The following ARHGDIB variants were observed in gnomAD, a reference collection of about 807,000 sequenced individuals.
ARHGDIB encodes Rho GDP dissociation inhibitor beta.
In ARHGDIB, 20 loss-of-function variants were observed where a neutral mutation model predicts 22.6. That is an observed-to-expected ratio of 0.88 (90% CI 0.62 to 1.28). The LOEUF is 1.28. Among genes scored for constraint, ARHGDIB ranks in the 50% most tolerant of loss-of-function variants. ARHGDIB has a pLI of 0.00. For missense variants in ARHGDIB, 254 were observed against 245.4 expected (o/e 1.04, Z -0.23); for synonymous variants, 114 against 96.1 (o/e 1.19, Z -1.09).
chr12:14,953,926 T>TTCCTTCCTTCC (rs1565464253), intron 1 of ARHGDIB, among the ~76,000 whole-genome samples: 2 of 150,478 alleles, frequency 1.3e-5, no homozygotes, highest in African/African-American at 4.9e-5. Context: ...CTCTCCCTTC[T>TTCCTTCCTTCC]TTCCTTCCTT....
intron 1 of ARHGDIB, among the ~76,000 whole-genome samples, chr12:14,954,189 G>C (rs541485987): frequency 2.0e-5 from 3 of 152,234 alleles, no homozygotes; most frequent in Non-Finnish European, 4.4e-5. Context: ...ATTTTGCCCA[G>C]GCTGGTCTTG....
intron 3 of ARHGDIB, among the ~76,000 whole-genome samples, chr12:14,949,296 C>T (rs527376161): frequency 1.5e-4 from 23 of 152,246 alleles, no homozygotes; most frequent in Admixed American, 1.2e-3. Flanking sequence ...TTAATTTGTA[C>T]GCCTTTAGTA....
rs748771676 is a variant in ARHGDIB, at chr12:14,942,546, C to T, written c.582G>A (p.Ser194=). Residue 194 remains serine, a synonymous_variant, in exon 6 of 6, where the codon TCG becomes TCA. Transcript: ENST00000228945. ...TTCATTCTGTCCACTCCTTCTTAATCGACAGGTTCCACTCCCAGCTGAGGT... is the reference window on the plus strand; with the variant it reads ...TTCATTCTGTCCACTCCTTCTTAATTGACAGGTTCCACTCCCAGCTGAGGT... ...QDHLSWEWNL[S]IKKEWTE is the part of the protein sequence containing the mutation. 6.2e-6 allele frequency: 10 copies of T among 1,613,958 alleles called. No individual in the cohort carries two copies. The Admixed American group carries it at 8.3e-5, about 13-fold the overall frequency.
At chr12:14,953,934 C>T (rs984115964) in intron 1 of ARHGDIB, among the ~76,000 whole-genome samples, 1 of 141,708 alleles carries the variant, frequency 7.1e-6, no homozygotes, top group Non-Finnish European at 1.5e-5. Context: ...TCTTTCCTTC[C>T]TTCCTTCCTT....
chr12:14,961,176 C>G (rs12580414), intron 1 of ARHGDIB: 1 of 152,344 alleles, frequency 6.6e-6, no homozygotes, highest in Non-Finnish European at 1.5e-5. Context: ...GATCTACAGT[C>G]TTTTTCTTCC....
Position 14,949,852 on chromosome 12 carries a change from A to G in ARHGDIB, c.215T>C (p.Leu72Pro). The G allele has an allele frequency of 6.2e-7, 1 of 1,613,636 alleles. No homozygotes were observed. The highest frequency in any genetic ancestry group is 1.3e-5 in the African/African-American group (1 of 74,988). The change falls in exon 3 of 6, where the codon CTC (leucine) becomes CCC (proline). Residue 72 changes from leucine (L) to proline (P), a missense_variant. Transcript: ENST00000228945. Reference protein sequence around the residue: ...PKAPNVVVTRLTLVCESAPGP... With the variant: ...PKAPNVVVTRPTLVCESAPGP... The stretch of plus-strand genomic sequence containing the variant: ...CGGGGCACTCTCACAAACCAGGGTG[A>G]GCCGGGTGACAACGACATTGGGGGC...
intron 4 of ARHGDIB, chr12:14,947,639 T>C (rs940945809): frequency 2.3e-4 from 107 of 462,574 alleles, no homozygotes; most frequent in Admixed American, 2.0e-3. Flanking sequence ...AGGGATCCCA[T>C]TGGCTTAAGA....
intron 1 of ARHGDIB, among the ~76,000 whole-genome samples, chr12:14,959,113 A>C (rs1864358595): frequency 6.6e-6 from 1 of 152,116 alleles, no homozygotes; most frequent in Admixed American, 6.5e-5. Context: ...ACAGAGTGAG[A>C]CTTGTCTCAA....
chr12:14,951,742 G>T (rs1480514201), intron 1 of ARHGDIB, among the ~76,000 whole-genome samples: 1 of 110,880 alleles, frequency 9.0e-6, no homozygotes, highest in Non-Finnish European at 2.1e-5. Context: ...ACCTGTTAAG[G>T]GTTAATGACT....
At chr12:14,949,048 T>C (rs977517152) in intron 3 of ARHGDIB, among the ~76,000 whole-genome samples, 1 of 152,208 alleles carries the variant, frequency 6.6e-6, no homozygotes, top group Non-Finnish European at 1.5e-5. Flanking sequence ...TGTTCTAGAC[T>C]TGTGCTTTGT....
intron 1 of ARHGDIB, among the ~76,000 whole-genome samples, chr12:14,952,842 C>A (rs553135759): frequency 6.6e-6 from 1 of 152,192 alleles, no homozygotes; most frequent in African/African-American, 2.4e-5. Flanking sequence ...TCTAACAAGT[C>A]GCCTGATTGA....
At chr12:14,959,842 G>C (rs1864375895) in intron 1 of ARHGDIB, among the ~76,000 whole-genome samples, 1 of 152,216 alleles carries the variant, frequency 6.6e-6, no homozygotes, top group Non-Finnish European at 1.5e-5. Context: ...TTGCATCTGT[G>C]AAGCATGGAT....
chr12:14,950,001 A>C, intron 2 of ARHGDIB, 116 bp from the exon 3 acceptor site: 1 of 925,910 alleles, frequency 1.1e-6, no homozygotes, highest in Non-Finnish European at 1.6e-6. Flanking sequence ...TATCTGGAGT[A>C]GAAATAGAAA....
At chr12:14,956,369 A>C (rs1234784081) in intron 1 of ARHGDIB, 1 of 152,178 alleles carries the variant, frequency 6.6e-6, no homozygotes, top group Non-Finnish European at 1.5e-5. Flanking sequence ...AGGATCTCTG[A>C]GGCCCCTTCT....
intron 1 of ARHGDIB, among the ~76,000 whole-genome samples, chr12:14,959,417 T>A (rs762157030): frequency 6.6e-6 from 1 of 152,230 alleles, no homozygotes; most frequent in Admixed American, 6.5e-5. Flanking sequence ...TGGCTATTGA[T>A]CCTTTTTGTA....
intron 1 of ARHGDIB, among the ~76,000 whole-genome samples, chr12:14,960,393 G>A (rs1864386322): frequency 6.6e-6 from 1 of 152,188 alleles, no homozygotes; most frequent in Non-Finnish European, 1.5e-5. Context: ...CTGATCAGCT[G>A]TCCTAGCTGG....
chr12:14,948,008 T>C, intron 3 of ARHGDIB, 59 bp from the exon 4 acceptor site: 1 of 1,470,700 alleles, frequency 6.8e-7, no homozygotes, highest in Non-Finnish European at 9.5e-7. Flanking sequence ...AGTTAATAAA[T>C]GACTTTTAAG....
In ARHGDIB at chr12:14,948,100, G is replaced by GCGCGCGCACA. The variant is rs71926892; in HGVS notation, c.266-152_266-151insTGTGCGCGCG. The GCGCGCGCACA allele has an allele frequency of 3.1e-3, 1,373 of 437,374 alleles. 11 individuals carry two copies. Among genetic ancestry groups the GCGCGCGCACA allele is most frequent in the Middle Eastern group, 0.01 (25 of 2,428 alleles). The allele number at this position is 437,374 out of a possible 1,614,324, so 27.1% of individuals were successfully genotyped here. Reference sequence around the variant, plus strand: ...CACAGAGTATTTGAGTTTAGTCCTTGCACACACACACACACACACACACAC... The same window carrying GCGCGCGCACA: ...CACAGAGTATTTGAGTTTAGTCCTTGCGCGCGCACACACACACACACACACACACACACAC... On this transcript the variant is annotated intron_variant, in intron 3 of 5. Transcript: ENST00000228945.
chr12:14,943,567 C>A (rs887696862), intron 5 of ARHGDIB, among the ~76,000 whole-genome samples: 3 of 152,124 alleles, frequency 2.0e-5, no homozygotes, highest in Non-Finnish European at 2.9e-5. Context: ...TATCTACAAA[C>A]TGTCATTCTA....
Sources: allele counts gnomAD v4.1 joint callset (sites outside exome capture counted in the v4.1 genomes callset), GRCh38; gene constraint gnomAD v4.1.1; transcripts MANE v1.5; gene names NCBI Gene and HGNC (gene_info 2026-07-23, HGNC 2026-07-21).